The following HCRTR2 variants were observed in gnomAD, a reference collection of about 807,000 sequenced individuals.
HCRTR2 encodes the protein hypocretin receptor 2.
Under a neutral mutation model 49.0 loss-of-function variants are expected in HCRTR2, and 22 were observed. That is an observed-to-expected ratio of 0.45 (90% confidence interval 0.32 to 0.64). HCRTR2 has a LOEUF of 0.64. Among genes scored for constraint, HCRTR2 ranks in the 30% least tolerant of loss-of-function variants. HCRTR2 has a pLI of 0.04. For missense variants in HCRTR2, 491 were observed against 559.4 expected (o/e 0.88, Z 1.23); for synonymous variants, 236 against 205.3 (o/e 1.15, Z -1.28).
intron 5 of HCRTR2, among the ~76,000 whole-genome samples, chr6:55,277,969 A>G (rs1235378925): frequency 6.6e-6 from 1 of 152,220 alleles, no homozygotes; most frequent in African/African-American, 2.4e-5. Context: ...TTCGTTTCCA[A>G]AAACATAGGC....
At chr6:55,116,897 C>T (rs1764125244) in intron 1 of HCRTR2, among the ~76,000 whole-genome samples, 1 of 151,616 alleles carries the variant, frequency 6.6e-6, no homozygotes. Flanking sequence ...CCACAGGCAG[C>T]AGATTTCCAT....
intron 5 of HCRTR2, 85 bp from the exon 6 acceptor site, chr6:55,280,238 G>A: frequency 1.1e-6 from 1 of 912,874 alleles, no homozygotes; most frequent in Non-Finnish European, 1.8e-6. Context: ...GAGGACAGGA[G>A]TCAGACCATC....
chr6:55,281,369 G>T (rs1767186554), intron 6 of HCRTR2, among the ~76,000 whole-genome samples: 1 of 152,118 alleles, frequency 6.6e-6, no homozygotes, highest in Non-Finnish European at 1.5e-5. Context: ...GCAGGTAAAG[G>T]CTATGAGGAA....
chr6:55,122,352 C>T (rs568945802), intron 1 of HCRTR2, among the ~76,000 whole-genome samples: 1 of 152,046 alleles, frequency 6.6e-6, no homozygotes. Flanking sequence ...ATTCTTCTCT[C>T]TTTTCTTCTT....
At chr6:55,284,346 C>T (rs1162016737), downstream of HCRTR2, among the ~76,000 whole-genome samples, 1 of 152,156 alleles carries the variant, frequency 6.6e-6, no homozygotes, top group African/African-American at 2.4e-5. Flanking sequence ...GGTTTCTATA[C>T]CATCGGCATC....
intron 5 of HCRTR2, among the ~76,000 whole-genome samples, chr6:55,279,753 T>C (rs1767152154): frequency 6.6e-6 from 1 of 152,046 alleles, no homozygotes; most frequent in Admixed American, 6.6e-5. Flanking sequence ...TTTAAAATAA[T>C]ACATGAAAAA....
chr6:55,108,822 G>C (rs1284143751), intron 1 of HCRTR2, among the ~76,000 whole-genome samples: 1 of 152,116 alleles, frequency 6.6e-6, no homozygotes, highest in Non-Finnish European at 1.5e-5. Flanking sequence ...GGCAGAACTG[G>C]GGGGTTGGGG....
chr6:55,144,188 C>G (rs1764548266), intron 1 of HCRTR2, among the ~76,000 whole-genome samples: 1 of 149,898 alleles, frequency 6.7e-6, no homozygotes, highest in Non-Finnish European at 1.5e-5. Flanking sequence ...TCTCGGCGCA[C>G]CGCAACCTCC....
At chr6:55,163,976 C>T (rs1447825704) in intron 1 of HCRTR2, among the ~76,000 whole-genome samples, 18 of 152,080 alleles carry the variant, frequency 1.2e-4, no homozygotes, top group Admixed American at 1.1e-3. Context: ...TGTGAACAGA[C>T]ACCTCTCAAA....
chr6:55,199,628 C>A (rs981870565), intron 1 of HCRTR2, among the ~76,000 whole-genome samples: 1 of 151,964 alleles, frequency 6.6e-6, no homozygotes, highest in Non-Finnish European at 1.5e-5. Flanking sequence ...TGCAGTTATG[C>A]ATTTATCTCT....
intron 1 of HCRTR2, among the ~76,000 whole-genome samples, chr6:55,243,777 T>C (rs1248231343): frequency 1.3e-5 from 2 of 151,982 alleles, no homozygotes; most frequent in Non-Finnish European, 1.5e-5. Context: ...CGTAGAGAGA[T>C]AAGAAAAAAT....
At chr6:55,277,180 C>T (rs181911550) in intron 4 of HCRTR2, among the ~76,000 whole-genome samples, 200 bp from the exon 5 acceptor site, 1 of 152,196 alleles carries the variant, frequency 6.6e-6, no homozygotes, top group East Asian at 1.9e-4. Flanking sequence ...TTTTTTTCCA[C>T]ACAAACTCCT....
chr6:55,116,427 G>T (rs1437761963), intron 1 of HCRTR2, among the ~76,000 whole-genome samples: 1 of 151,010 alleles, frequency 6.6e-6, no homozygotes, highest in Non-Finnish European at 1.5e-5. Context: ...ACTAAAAGAG[G>T]CTAAAATACT....
At chr6:55,190,305 G>T (rs540970546) in intron 1 of HCRTR2, among the ~76,000 whole-genome samples, 2 of 152,294 alleles carry the variant, frequency 1.3e-5, no homozygotes, top group East Asian at 1.9e-4. Flanking sequence ...TTTGATGACG[G>T]ATTGCCTTAT....
chr6:55,194,635 T>A (rs557169463), intron 1 of HCRTR2, among the ~76,000 whole-genome samples: 104 of 152,248 alleles, frequency 6.8e-4, no homozygotes, highest in Non-Finnish European at 1.2e-3. Flanking sequence ...GATTTTCTAA[T>A]AAACATGATG....
At chr6:55,227,720 G>A (rs1370701326) in intron 1 of HCRTR2, among the ~76,000 whole-genome samples, 3 of 152,220 alleles carry the variant, frequency 2.0e-5, no homozygotes, top group Admixed American at 6.5e-5. Flanking sequence ...ATTAGATGCT[G>A]TTGGTTATAC....
intron 1 of HCRTR2, among the ~76,000 whole-genome samples, chr6:55,208,333 A>T (rs1006422463): frequency 2.1e-4 from 31 of 151,208 alleles, no homozygotes; most frequent in East Asian, 5.9e-4. Flanking sequence ...AAAATAAAAA[A>T]AAAAAAAAAA....
At chr6:55,189,426 G>A (rs1248931848) in intron 1 of HCRTR2, among the ~76,000 whole-genome samples, 1 of 152,204 alleles carries the variant, frequency 6.6e-6, no homozygotes, top group Non-Finnish European at 1.5e-5. Flanking sequence ...GAAGATGGAA[G>A]TTGGCAACTC....
chr6:55,142,991 G>A (rs1475236978), intron 1 of HCRTR2, among the ~76,000 whole-genome samples: 1 of 640 alleles, frequency 1.6e-3, no homozygotes, highest in East Asian at 0.17. Context: ...GATGATAGAT[G>A]ATAGATAGAT....
Sources: gnomAD v4.1 joint callset for allele counts (sites outside exome capture counted in the v4.1 genomes callset) on GRCh38, gnomAD v4.1.1 for gene constraint, MANE v1.5 for transcripts, NCBI Gene and HGNC (gene_info 2026-07-23, HGNC 2026-07-21) for gene names.